TMEM244: variants seen among roughly 807,000 people sequenced by gnomAD.
TMEM244 encodes putative transmembrane protein 244.
TMEM244 carries 13 observed loss-of-function variants against 15.8 expected under a neutral mutation model. That is an observed-to-expected ratio of 0.82 (90% CI 0.53 to 1.30). The LOEUF (loss-of-function observed/expected upper bound fraction) is 1.30. TMEM244 is among the 50% of genes most tolerant of loss of function. The pLI, the probability that TMEM244 is intolerant of heterozygous loss-of-function variation, is 0.00. For missense variants in TMEM244, 161 were observed against 144.9 expected, an observed-to-expected ratio of 1.11 and a Z score of -0.57; for synonymous variants, 45 against 48.7, an observed-to-expected ratio of 0.92 and a Z score of 0.32.
At chr6:129,857,029 C>T (rs1776722320) in intron 1 of TMEM244, among the ~76,000 whole-genome samples, 1 of 151,896 alleles carries the variant, frequency 6.6e-6, no homozygotes, top group Non-Finnish European at 1.5e-5. Flanking sequence ...ATTCTTTTTG[C>T]TACTAATACA....
intron 3 of TMEM244, among the ~76,000 whole-genome samples, chr6:129,834,219 T>A (rs939166006): frequency 3.3e-5 from 5 of 152,202 alleles, no homozygotes; most frequent in Non-Finnish European, 7.4e-5. Flanking sequence ...GAGCTAGATA[T>A]TTACAGGTGA....
Position 129,861,208 on chromosome 6 carries a change from G to A in TMEM244, c.-20C>T. 6.2e-7 allele frequency: 1 copy of A among 1,613,530 alleles called. No homozygotes were observed. Among genetic ancestry groups the A allele is most frequent in the Non-Finnish European group, 8.5e-7 (1 of 1,179,602 alleles). On this transcript the variant is annotated 5_prime_UTR_variant, in exon 1 of 5. Transcript: ENST00000368143. Reference sequence around the variant, plus strand: ...AGCCATGTACACATCCTACGTCAAGGAGGTGATGAAAGCCCCACTCCTTAT... The same window carrying A: ...AGCCATGTACACATCCTACGTCAAGAAGGTGATGAAAGCCCCACTCCTTAT...
At chr6:129,856,920 G>GT (rs1776720510) in intron 1 of TMEM244, among the ~76,000 whole-genome samples, 1 of 151,902 alleles carries the variant, frequency 6.6e-6, no homozygotes, top group African/African-American at 2.4e-5. Context: ...TCTTTCAGGA[G>GT]TATGTTAATT....
intron 3 of TMEM244, among the ~76,000 whole-genome samples, chr6:129,834,542 A>G (rs753541350): frequency 2.0e-5 from 3 of 152,234 alleles, no homozygotes; most frequent in Non-Finnish European, 4.4e-5. Flanking sequence ...TACTGTGCAG[A>G]AGTAATTTAT....
intron 1 of TMEM244, among the ~76,000 whole-genome samples, chr6:129,849,610 T>G (rs1427419155): frequency 2.6e-5 from 4 of 152,166 alleles, no homozygotes; most frequent in Admixed American, 1.3e-4. Context: ...TAAGTTCCTG[T>G]TAAAACACAG....
intron 1 of TMEM244, among the ~76,000 whole-genome samples, chr6:129,851,482 G>A (rs1481731841): frequency 6.6e-6 from 1 of 151,866 alleles, no homozygotes; most frequent in Non-Finnish European, 1.5e-5. Flanking sequence ...GTTGGCCAGG[G>A]TGGTCTCAAA....
At chr6:129,842,277 A>G (rs1446642316) in intron 3 of TMEM244, among the ~76,000 whole-genome samples, 1 of 152,158 alleles carries the variant, frequency 6.6e-6, no homozygotes, top group Non-Finnish European at 1.5e-5. Context: ...CTTTACTGGG[A>G]CTATTTTCTT....
chr6:129,837,334 A>T (rs540105548), intron 3 of TMEM244, among the ~76,000 whole-genome samples: 2 of 152,266 alleles, frequency 1.3e-5, no homozygotes, highest in South Asian at 2.1e-4. Context: ...AAGCTTCATA[A>T]GTGAAGGAGA....
Position 129,861,274 on chromosome 6 carries a change from C to A in TMEM244, c.-86G>T, listed in dbSNP as rs549437834. The A allele has an allele frequency of 1.5e-4, 224 of 1,489,336 alleles. 8 individuals carry two copies. In the South Asian group the frequency reaches 2.5e-3, roughly 16 times the overall value. 92.3% of individuals were successfully genotyped at this position (1,489,336 alleles called of 1,614,324 possible). A position where few individuals can be genotyped will look rare whatever the true frequency, so the allele number is the denominator to read the frequency against. On this transcript the variant is annotated 5_prime_UTR_variant, in exon 1 of 5. Transcript: ENST00000368143. ...AAGAAGACACAATTGTCACCGTGAG[C>A]TTTTCAATTACTCCTGGAGACTAAG...
chr6:129,844,876 C>T (rs1210869164), intron 2 of TMEM244, among the ~76,000 whole-genome samples: 4 of 152,128 alleles, frequency 2.6e-5, no homozygotes, highest in South Asian at 2.1e-4. Context: ...GGTATTAATT[C>T]GCATATTGAA....
chr6:129,843,560 T>G lies in TMEM244; in HGVS notation c.163A>C (p.Asn55His). 6.2e-7 allele frequency: 1 copy of G among 1,612,644 alleles called. No homozygotes were observed. The highest frequency in any genetic ancestry group is 1.7e-4 in the Middle Eastern group (1 of 6,044). ...NVLAPFDFKTNPSWLNINYKV... is the reference protein window; with the variant it reads ...NVLAPFDFKTHPSWLNINYKV... ...TAGTTTATGTTGAGCCATGAGGGAT[T>G]TGTTTTGAAATCAAATGGAGCCAGG... The change falls in exon 3 of 5, where the codon AAT becomes CAT. Residue 55 changes from asparagine (N) to histidine (H), a missense_variant. Asn to His is a moderately conservative substitution (Grantham distance 68). Transcript: ENST00000368143.
intron 1 of TMEM244, among the ~76,000 whole-genome samples, chr6:129,856,027 G>C (rs891393306): frequency 2.0e-5 from 3 of 151,928 alleles, no homozygotes; most frequent in South Asian, 2.1e-4. Context: ...CTTCCATAAA[G>C]AGATTTCCTT....
At chr6:129,835,829 C>T (rs372117048) in intron 3 of TMEM244, among the ~76,000 whole-genome samples, 7 of 151,700 alleles carry the variant, frequency 4.6e-5, no homozygotes, top group South Asian at 4.2e-4. Context: ...GATAGACCTG[C>T]GACGCTGCAT....
intron 2 of TMEM244, among the ~76,000 whole-genome samples, chr6:129,844,476 A>G (rs558975513): frequency 6.6e-6 from 1 of 152,300 alleles, no homozygotes; most frequent in African/African-American, 2.4e-5. Context: ...CTATAAATTG[A>G]AGAGATTAAT....
intron 1 of TMEM244, among the ~76,000 whole-genome samples, chr6:129,859,865 A>G (rs1013273745): frequency 1.3e-5 from 2 of 152,210 alleles, no homozygotes; most frequent in African/African-American, 2.4e-5. Context: ...CTATTAATTT[A>G]TAAGCATATC....
In TMEM244 at chr6:129,845,724, A is replaced by G. The variant is rs376205331; in HGVS notation, c.119+43T>C. ...TAAATATAAACATCTTTCCTATTCA[A>G]TGTTAGCTTTTTAATTCTATTTGAA... On this transcript the variant is annotated intron_variant, in intron 2 of 4. Transcript: ENST00000368143. 80 of 1,373,362 alleles carry G rather than the reference A, an allele frequency of 5.8e-5. No individual in the cohort carries two copies. The African/African-American group carries it at 1.0e-3, about 18-fold the overall frequency. The allele number at this position is 1,373,362 out of a possible 1,614,324, so 85.1% of individuals were successfully genotyped here.
intron 3 of TMEM244, among the ~76,000 whole-genome samples, chr6:129,841,156 A>G (rs1776484191): frequency 6.6e-6 from 1 of 152,164 alleles, no homozygotes; most frequent in African/African-American, 2.4e-5. Context: ...TCACATAGCA[A>G]AGACTTGGAA....
At chr6:129,847,859 C>T (rs868834386) in intron 1 of TMEM244, among the ~76,000 whole-genome samples, 17 of 150,796 alleles carry the variant, frequency 1.1e-4, no homozygotes, top group Middle Eastern at 6.8e-3. Context: ...ACTGCAAACT[C>T]GGTCTCCCGG....
intron 1 of TMEM244, among the ~76,000 whole-genome samples, chr6:129,847,804 T>C (rs9492400): frequency 0.76 from 110,251 of 145,706 alleles, 42,741 homozygotes; most frequent in Non-Finnish European, 0.82. Context: ...GACAGAGTTT[T>C]GCTTTTGTTG....
Sources: gnomAD v4.1 joint callset for allele counts (sites outside exome capture counted in the v4.1 genomes callset) on GRCh38, gnomAD v4.1.1 for gene constraint, MANE v1.5 for transcripts, NCBI Gene and HGNC (gene_info 2026-07-23, HGNC 2026-07-21) for gene names.